Variants in COL4A6 observed in about 807,000 individuals in gnomAD.
COL4A6 encodes collagen type IV alpha 6 chain, also known as collagen alpha-6(IV) chain.
A neutral mutation model predicts 126.7 loss-of-function variants in COL4A6; 59 were observed. The observed-to-expected ratio is 0.47, with a 90% CI of 0.38 to 0.58. The LOEUF is 0.58. COL4A6 is among the 20% of genes least tolerant of loss of function. COL4A6 has a pLI of 0.00. For missense variants in COL4A6, 1,285 were observed against 1,337.3 expected (o/e 0.96, Z 0.61); for synonymous variants, 547 against 496.6 (o/e 1.10, Z -1.35).
intron 35 of COL4A6, 121 bp from the exon 36 acceptor site, chrX:108,170,137 T>G (rs2034258684): frequency 3.4e-6 from 2 of 595,699 alleles, no homozygotes; most frequent in Middle Eastern, 3.2e-4. Context: ...TGGTCTTTTT[T>G]GAGGCATTTA....
At chrX:108,215,308 A>G (rs1443366826) in intron 5 of COL4A6, among the ~76,000 whole-genome samples, 2 of 112,482 alleles carry the variant, frequency 1.8e-5, no homozygotes, top group Admixed American at 1.9e-4. Context: ...TACTGGACTC[A>G]TGGAATGCGA....
intron 2 of COL4A6, among the ~76,000 whole-genome samples, chrX:108,406,410 A>G (rs979973249): frequency 3.6e-5 from 4 of 112,492 alleles, no homozygotes; most frequent in African/African-American, 1.3e-4. Flanking sequence ...CCATTATACT[A>G]GAATCTTCTA....
chrX:108,218,510 C>G (rs1019089207), intron 5 of COL4A6, among the ~76,000 whole-genome samples: 2 of 112,078 alleles, frequency 1.8e-5, no homozygotes, highest in African/African-American at 6.5e-5. Context: ...GGTAAGTGAG[C>G]CTTCAGTTCT....
intron 3 of COL4A6, among the ~76,000 whole-genome samples, chrX:108,279,752 T>C (rs1380794556): frequency 9.0e-6 from 1 of 111,298 alleles, no homozygotes; most frequent in Non-Finnish European, 1.9e-5. Flanking sequence ...AGTAAAGCAC[T>C]CCTCAGCAAA....
chrX:108,179,789 T>C (rs1451775558), intron 25 of COL4A6, among the ~76,000 whole-genome samples: 1 of 107,350 alleles, frequency 9.3e-6, no homozygotes, highest in East Asian at 3.0e-4. Context: ...TGCCTCCTTC[T>C]TCTTGGGTGG....
chrX:108,210,322 TG>T (rs1392532628), intron 7 of COL4A6, among the ~76,000 whole-genome samples: 1 of 112,431 alleles, frequency 8.9e-6, no homozygotes. Context: ...TGTGGGCTAG[TG>T]ATTTTCCTAC....
chrX:108,221,509 G>A, intron 3 of COL4A6, 135 bp from the exon 4 acceptor site: 1 of 676,415 alleles, frequency 1.5e-6, no homozygotes, highest in Non-Finnish European at 2.2e-6. Context: ...GCACGCCAAA[G>A]TTCCAGACAC....
Position 108,384,901 on chromosome X carries a change from C to T in COL4A6, c.63+53041G>A, listed in dbSNP as rs1603199892. ...TGCTCCCCTGCTTGACTTAACTTTG[C>T]TGGCTGTAAAAGTGGCAATGATCCC... is the stretch of plus-strand genomic sequence containing the variant. On this transcript the variant is annotated intron_variant, in intron 2 of 44. Transcript: ENST00000334504. Among the ~76,000 whole-genome samples, 8 of 111,031 alleles carry T rather than the reference C, an allele frequency of 7.2e-5. No individual in the cohort carries two copies. In the South Asian group the frequency reaches 3.1e-3, roughly 43 times the overall value.
intron 3 of COL4A6, among the ~76,000 whole-genome samples, chrX:108,228,579 G>A (rs2036228727): frequency 8.9e-6 from 1 of 112,553 alleles, no homozygotes; most frequent in African/African-American, 3.2e-5. Context: ...AGTTCAGCAT[G>A]GCTGGAGAGG....
chrX:108,202,299 G>A (rs1459683537), intron 13 of COL4A6, among the ~76,000 whole-genome samples: 1 of 111,147 alleles, frequency 9.0e-6, no homozygotes, highest in African/African-American at 3.3e-5. Context: ...CTGTTTACTG[G>A]TTTCTTGTTT....
intron 3 of COL4A6, among the ~76,000 whole-genome samples, chrX:108,265,064 T>C (rs2037264188): frequency 8.9e-6 from 1 of 111,966 alleles, no homozygotes; most frequent in African/African-American, 3.2e-5. Context: ...AATTAGGTAA[T>C]GTCTTTCTAT....
chrX:108,398,145 C>A (rs1346695657), intron 2 of COL4A6, among the ~76,000 whole-genome samples: 1 of 112,158 alleles, frequency 8.9e-6, no homozygotes, highest in East Asian at 2.8e-4. Flanking sequence ...CCCCACCCTA[C>A]CCTCACGGCA....
intron 23 of COL4A6, chrX:108,183,623 T>C (rs1211878127): frequency 1.9e-6 from 1 of 534,215 alleles, no homozygotes; most frequent in Admixed American, 6.1e-5. Flanking sequence ...TCCAGTGTGG[T>C]GCTCAGGCCA....
At chrX:108,345,393 G>A (rs984910156) in intron 2 of COL4A6, among the ~76,000 whole-genome samples, 2 of 111,609 alleles carry the variant, frequency 1.8e-5, no homozygotes, top group Non-Finnish European at 3.8e-5. Flanking sequence ...ACTGACAGAA[G>A]GGCATGAGTT....
At chrX:108,332,552 G>T (rs1886879448) in intron 2 of COL4A6, among the ~76,000 whole-genome samples, 1 of 111,945 alleles carries the variant, frequency 8.9e-6, no homozygotes, top group African/African-American at 3.2e-5. Flanking sequence ...CCAGACTGCT[G>T]TAAGAAGGTA....
At chrX:108,433,550 G>A (rs1355380902) in intron 2 of COL4A6, among the ~76,000 whole-genome samples, 3 of 107,041 alleles carry the variant, frequency 2.8e-5, no homozygotes, top group Admixed American at 1.0e-4. Flanking sequence ...TTTTGACAAG[G>A]TCTAGCTCTA....
At chrX:108,381,657 T>A (rs2040560072) in intron 2 of COL4A6, among the ~76,000 whole-genome samples, 1 of 111,478 alleles carries the variant, frequency 9.0e-6, no homozygotes, top group African/African-American at 3.3e-5. Flanking sequence ...GTAATACATA[T>A]AAACAAAGCA....
chrX:108,178,425 G>GA (rs768684599), intron 27 of COL4A6, among the ~76,000 whole-genome samples: 1 of 112,463 alleles, frequency 8.9e-6, no homozygotes, highest in East Asian at 2.8e-4. Flanking sequence ...GTTGAAACCT[G>GA]AAAACTGGGC....
rs148905133 is a variant in COL4A6, at chrX:108,409,979, T to A, written c.63+27963A>T. Among the ~76,000 whole-genome samples, 29 of 111,514 alleles carry A rather than the reference T, an allele frequency of 2.6e-4. 1 individual carries two copies. The highest frequency in any genetic ancestry group is 8.5e-4 in the African/African-American group (26 of 30,695). ...CTTCCCCGGAATCCTCCTCCTATCA[T>A]CCAGGAAAGAGATCCCCGGGAAGGT... On this transcript the variant is annotated intron_variant, in intron 2 of 44. Coordinates refer to ENST00000334504, the MANE Select transcript of COL4A6 (RefSeq NM_033641.4).
Sources: allele counts gnomAD v4.1 joint callset (sites outside exome capture counted in the v4.1 genomes callset), GRCh38; gene constraint gnomAD v4.1.1; transcripts MANE v1.5; gene names NCBI Gene and HGNC (gene_info 2026-07-23, HGNC 2026-07-21).